Variants in DLG5 observed in about 807,000 individuals in gnomAD.
DLG5 encodes the protein disks large homolog 5.
DLG5 carries 48 observed loss-of-function variants against 189.8 expected under a neutral mutation model. The ratio of observed to expected loss-of-function variants is 0.25; its 90% confidence interval spans 0.20 to 0.32. DLG5 has a LOEUF of 0.32. DLG5 is among the 10% of genes least tolerant of loss of function. DLG5 has a pLI of 1.00. For missense variants in DLG5, 2,160 were observed against 2,544.7 expected (o/e 0.85, Z 3.25); for synonymous variants, 1,016 against 1,054.1 (o/e 0.96, Z 0.70).
chr10:77,917,542 AAG>A (rs1244907176), intron 1 of DLG5, among the ~76,000 whole-genome samples: 21 of 151,698 alleles, frequency 1.4e-4, no homozygotes, highest in African/African-American at 5.1e-4. Flanking sequence ...AAAAAGAAGA[AAG>A]AGAGAGAGAG....
At chr10:77,893,998 G>A (rs754590393) in intron 1 of DLG5, among the ~76,000 whole-genome samples, 3 of 152,194 alleles carry the variant, frequency 2.0e-5, no homozygotes, top group Admixed American at 6.5e-5. Context: ...CAAAACCTCC[G>A]TTCCCAAACT....
intron 1 of DLG5, among the ~76,000 whole-genome samples, chr10:77,875,772 G>A (rs1192724766): frequency 6.6e-6 from 1 of 151,930 alleles, no homozygotes; most frequent in African/African-American, 2.4e-5. Context: ...AAGCCTGCTT[G>A]CAGAACCATG....
chr10:77,834,324 G>A (rs1194753258), intron 8 of DLG5, among the ~76,000 whole-genome samples: 1 of 152,050 alleles, frequency 6.6e-6, no homozygotes, highest in Non-Finnish European at 1.5e-5. Flanking sequence ...ATGTGCCTGG[G>A]GTTAAGGACC....
rs1840919249 is a variant in DLG5 at position 77,796,321 on chromosome 10, C to G, written c.5308+130G>C. 3 of 1,582,824 alleles carry G rather than the reference C, an allele frequency of 1.9e-6. No homozygotes were observed. The South Asian group carries it at 3.4e-5, about 18-fold the overall frequency. ...CATGCATGAATCTGACCCATGTCAG[C>G]AGGCTTCTGGAACACTGTGAAATCT... On this transcript the variant is annotated intron_variant, in intron 28 of 31. Transcript: ENST00000372391. This position sits in a 1 kb window ranked among gnomAD's most constrained non-coding sequence, Gnocchi z 5.2.
At chr10:77,929,760 C>G (rs943771455), upstream of DLG5, 3 of 152,222 alleles carry the variant, frequency 2.0e-5, no homozygotes. Context: ...GAAACCAACC[C>G]TCCAACACCT....
intron 2 of DLG5, among the ~76,000 whole-genome samples, chr10:77,866,465 T>G (rs1033908850): frequency 1.3e-5 from 2 of 152,236 alleles, no homozygotes; most frequent in Non-Finnish European, 2.9e-5. Context: ...GAGGCCATAC[T>G]GATGGACTCT....
chr10:77,914,427 G>A (rs1846306231), intron 1 of DLG5, among the ~76,000 whole-genome samples: 1 of 152,152 alleles, frequency 6.6e-6, no homozygotes, highest in Admixed American at 6.5e-5. Flanking sequence ...CCTCACCAAA[G>A]CCCTGGGTGA....
chr10:77,919,397 T>G (rs986691282), intron 1 of DLG5, among the ~76,000 whole-genome samples: 2 of 151,214 alleles, frequency 1.3e-5, no homozygotes, highest in African/African-American at 2.4e-5. Flanking sequence ...TCACCCAACC[T>G]CCTTGGACCA....
intron 1 of DLG5, among the ~76,000 whole-genome samples, chr10:77,879,939 A>G (rs1845224779): frequency 6.6e-6 from 1 of 152,134 alleles, no homozygotes; most frequent in Non-Finnish European, 1.5e-5. Context: ...TGACAAGGTC[A>G]TGGCTAGAGA....
intron 1 of DLG5, chr10:77,912,250 T>G (rs1435796035): frequency 6.6e-6 from 1 of 151,522 alleles, no homozygotes; most frequent in Admixed American, 6.6e-5. Context: ...TTTATATCTA[T>G]CTATCAATTT....
In DLG5 at chr10:77,794,840, G is replaced by A; in HGVS notation, c.5546+9C>T. The A allele has an allele frequency of 6.2e-7, 1 of 1,612,942 alleles. No homozygotes were observed. The highest frequency in any genetic ancestry group is 8.5e-7 in the Non-Finnish European group (1 of 1,179,070). On this transcript the variant is annotated intron_variant, in intron 30 of 31. Coordinates refer to ENST00000372391, the MANE Select transcript of DLG5 (RefSeq NM_004747.4). ...GGCCCCAGCGGAGCCCAGGGGGCCA[G>A]TTACCTACTTGATGTGCTTGGCGCT...
At chr10:77,940,329 C>T in the DLG5 span, among the ~76,000 whole-genome samples, 1 of 152,202 alleles carries the variant, frequency 6.6e-6, no homozygotes, top group East Asian at 1.9e-4. Flanking sequence ...GTAGCTGACT[C>T]CCTTGCTATA....
intron 1 of DLG5, among the ~76,000 whole-genome samples, chr10:77,891,069 G>C (rs527829113): frequency 1.7e-4 from 26 of 152,236 alleles, no homozygotes; most frequent in Middle Eastern, 3.4e-3. Context: ...CGACCCTTCA[G>C]GCCCAGCTCA....
intron 7 of DLG5, among the ~76,000 whole-genome samples, chr10:77,837,041 C>A (rs529228300): frequency 4.6e-5 from 7 of 151,446 alleles, no homozygotes; most frequent in South Asian, 2.1e-4. Flanking sequence ...ATGGTAAAAC[C>A]CCATCTCTAC....
At chr10:77,860,279 C>T (rs1261427023) in intron 2 of DLG5, among the ~76,000 whole-genome samples, 1 of 152,160 alleles carries the variant, frequency 6.6e-6, no homozygotes, top group Non-Finnish European at 1.5e-5. Flanking sequence ...GCAAGCCTGG[C>T]AGGTTTTGGG....
chr10:77,822,975 T>C (rs1007058973), intron 14 of DLG5, among the ~76,000 whole-genome samples: 19 of 152,198 alleles, frequency 1.2e-4, no homozygotes, highest in African/African-American at 4.3e-4. Flanking sequence ...CTCTGTATGA[T>C]ATTACAATGG....
At chr10:77,872,664 G>A (rs1433830919) in intron 1 of DLG5, among the ~76,000 whole-genome samples, 1 of 152,198 alleles carries the variant, frequency 6.6e-6, no homozygotes. Context: ...TTGTCCTAAA[G>A]GCCTGTGTGG....
chr10:77,798,435 C>A (rs1213486141), intron 27 of DLG5, among the ~76,000 whole-genome samples: 1 of 152,130 alleles, frequency 6.6e-6, no homozygotes. Context: ...CAAATCTGAA[C>A]CTCACGGATA....
At chr10:77,813,979 T>C (rs74552876) in intron 20 of DLG5, among the ~76,000 whole-genome samples, 3,281 of 150,994 alleles carry the variant, frequency 0.022, 58 homozygotes, top group Middle Eastern at 0.034. Context: ...TAATCTTTTT[T>C]TTCTTTCTTT....
Sources: allele counts gnomAD v4.1 joint callset (sites outside exome capture counted in the v4.1 genomes callset), GRCh38; gene constraint gnomAD v4.1.1; non-coding constraint Gnocchi (gnomAD v3.1); transcripts MANE v1.5; gene names NCBI Gene and HGNC (gene_info 2026-07-23, HGNC 2026-07-21).